ASXL3: variants seen among roughly 807,000 people sequenced by gnomAD.
The protein encoded by ASXL3 is ASXL transcriptional regulator 3, also known as putative Polycomb group protein ASXL3.
A neutral mutation model predicts 170.6 loss-of-function variants in ASXL3; 34 were observed. The ratio of observed to expected loss-of-function variants is 0.20; its 90% CI spans 0.15 to 0.27. The LOEUF (loss-of-function observed/expected upper bound fraction) is 0.27. Among genes scored for constraint, ASXL3 ranks in the 10% least tolerant of loss-of-function variants. The probability of loss-of-function intolerance (pLI) is 1.00; values close to 1 mark genes in which losing one functional copy is unlikely to be tolerated. For synonymous variants in ASXL3, 1,002 were observed against 989.1 expected, an observed-to-expected ratio of 1.01 and a Z score of -0.24; for missense variants, 2,592 against 2,695.3, an observed-to-expected ratio of 0.96 and a Z score of 0.85.
Position 33,744,842 on chromosome 18 carries a change from C to T in ASXL3, c.4994C>T (p.Ala1665Val), listed in dbSNP as rs552663074. ...CCCAGGAATCTTGTAACAAATGTTG[C>T]TCTTCCTGTGAAATCTGAACTTCAC... is the stretch of plus-strand genomic sequence containing the variant. ...LHPRNLVTNV[A>V]LPVKSELHEA... Residue 1665 changes from alanine (A) to valine (V), a missense_variant, in exon 12 of 12, where the codon GCT (alanine) becomes GTT (valine). Physicochemically the swap from Ala to Val is moderately conservative, Grantham distance 64 (BLOSUM62 0). Around this residue, in one of 4 missense-constraint regions of ASXL3, gnomAD observed 2,246 missense variants for 2,219.6 expected, o/e 1.01. Coordinates refer to ENST00000269197, the MANE Select transcript of ASXL3 (RefSeq NM_030632.3). The T allele has an allele frequency of 4.3e-6, 7 of 1,614,032 alleles. No individual in the cohort carries two copies. The highest frequency in any genetic ancestry group is 2.7e-5 in the African/African-American group (2 of 75,058).
At chr18:33,692,738 G>A (rs925400226) in intron 8 of ASXL3, among the ~76,000 whole-genome samples, 1 of 152,162 alleles carries the variant, frequency 6.6e-6, no homozygotes, top group African/African-American at 2.4e-5. Context: ...AAGGTTTTCC[G>A]AATGAGTGAT....
At chr18:33,614,361 A>G (rs773923059) in intron 2 of ASXL3, 2 of 152,208 alleles carry the variant, frequency 1.3e-5, no homozygotes, top group African/African-American at 2.4e-5. Context: ...TGAAAGTTTT[A>G]TCATGAGATT....
intron 7 of ASXL3, among the ~76,000 whole-genome samples, chr18:33,676,566 A>G (rs1164243154): frequency 6.6e-6 from 1 of 152,168 alleles, no homozygotes; most frequent in African/African-American, 2.4e-5. Flanking sequence ...AATAGAAAAC[A>G]CTGTTCTGAT....
At chr18:33,714,135 C>CA (rs2067126540) in intron 8 of ASXL3, among the ~76,000 whole-genome samples, 1 of 152,192 alleles carries the variant, frequency 6.6e-6, no homozygotes, top group Non-Finnish European at 1.5e-5. Context: ...CCCTCCCTCT[C>CA]AGACACATTT....
chr18:33,582,849 C>T (rs570989640), intron 1 of ASXL3, among the ~76,000 whole-genome samples: 2 of 151,972 alleles, frequency 1.3e-5, no homozygotes, highest in African/African-American at 4.8e-5. Context: ...AGCAGGGTTA[C>T]TGAAGGTTTT....
At chr18:33,598,296 C>A in intron 1 of ASXL3, among the ~76,000 whole-genome samples, 1 of 152,038 alleles carries the variant, frequency 6.6e-6, no homozygotes. Context: ...ATCTAATATT[C>A]TCATTTATAT....
At chr18:33,707,089 C>T (rs901038873) in intron 8 of ASXL3, among the ~76,000 whole-genome samples, 4 of 151,584 alleles carry the variant, frequency 2.6e-5, no homozygotes, top group Non-Finnish European at 5.9e-5. Context: ...GACACTGTTC[C>T]TTTGCATTGG....
chr18:33,588,477 A>T (rs1379561327), intron 1 of ASXL3, among the ~76,000 whole-genome samples: 3 of 152,074 alleles, frequency 2.0e-5, no homozygotes, highest in African/African-American at 4.8e-5. Context: ...AGACAAGGTC[A>T]TGCTTCAAGA....
At chr18:33,722,929 A>C (rs552586522) in intron 8 of ASXL3, among the ~76,000 whole-genome samples, 5 of 152,152 alleles carry the variant, frequency 3.3e-5, no homozygotes, top group Middle Eastern at 3.2e-3. Flanking sequence ...ATTATGCTAA[A>C]TCTATTCTGC....
At chr18:33,683,335 T>G in intron 7 of ASXL3, 70 bp from the exon 8 acceptor site, 1 of 1,305,840 alleles carries the variant, frequency 7.7e-7, no homozygotes, top group South Asian at 1.6e-5. Flanking sequence ...TGTGGCTGTG[T>G]TTGTGTGTAC....
In ASXL3 at chr18:33,593,535, G is replaced by T. The variant is rs142207118; in HGVS notation, c.55-14059G>T. Among the ~76,000 whole-genome samples, 446 of 152,124 alleles carry T rather than the reference G, an allele frequency of 2.9e-3. 3 individuals are homozygous for T. Among genetic ancestry groups the T allele is most frequent in the African/African-American group, 0.01 (430 of 41,506 alleles). ...TGAAGAAAACTGGTCTTGAAAGCCC[G>T]CAGACTTTCATACCACAAGGAATGT... On this transcript the variant is annotated intron_variant, in intron 1 of 11. Coordinates refer to ENST00000269197, the MANE Select transcript of ASXL3 (RefSeq NM_030632.3).
intron 8 of ASXL3, among the ~76,000 whole-genome samples, chr18:33,727,516 A>G (rs941185947): frequency 1.3e-5 from 2 of 152,180 alleles, no homozygotes; most frequent in South Asian, 4.1e-4. Flanking sequence ...TTATAAAAGT[A>G]TCTCTATGTG....
At chr18:33,618,677 A>G (rs1240211287) in intron 2 of ASXL3, among the ~76,000 whole-genome samples, 4 of 151,958 alleles carry the variant, frequency 2.6e-5, no homozygotes, top group Non-Finnish European at 5.9e-5. Flanking sequence ...ATAAAATACC[A>G]TTTCTGCCTT....
At chr18:33,645,043 T>C in intron 3 of ASXL3, 41 bp downstream of exon 3, 1 of 1,368,110 alleles carries the variant, frequency 7.3e-7, no homozygotes, top group Non-Finnish European at 1.0e-6. Context: ...ACTATTATCA[T>C]GCATTTTTTC....
intron 2 of ASXL3, among the ~76,000 whole-genome samples, chr18:33,611,757 G>A (rs1399223374): frequency 1.3e-5 from 2 of 152,028 alleles, no homozygotes; most frequent in African/African-American, 2.4e-5. Flanking sequence ...TAGAAGAGAG[G>A]AGTACGTCTA....
At chr18:33,584,609 A>G (rs937241013) in intron 1 of ASXL3, among the ~76,000 whole-genome samples, 2 of 152,168 alleles carry the variant, frequency 1.3e-5, no homozygotes, top group African/African-American at 4.8e-5. Flanking sequence ...CATGTTCTTT[A>G]CCAAATGAGG....
At chr18:33,643,230 A>G (rs2065871485) in intron 2 of ASXL3, among the ~76,000 whole-genome samples, 2 of 151,906 alleles carry the variant, frequency 1.3e-5, no homozygotes, top group Non-Finnish European at 2.9e-5. Flanking sequence ...TGCAATGTTC[A>G]GTATAACATG....
chr18:33,584,223 G>C (rs1432834640), intron 1 of ASXL3, among the ~76,000 whole-genome samples: 3 of 152,090 alleles, frequency 2.0e-5, no homozygotes, highest in Non-Finnish European at 4.4e-5. Context: ...ATAGGTTCAG[G>C]GGGTGATGAG....
At chr18:33,651,041 A>G (rs2065989358) in intron 4 of ASXL3, among the ~76,000 whole-genome samples, 1 of 152,120 alleles carries the variant, frequency 6.6e-6, no homozygotes, top group African/African-American at 2.4e-5. Context: ...TGTGACACCA[A>G]AGGCCAGACT....
Sources: allele counts gnomAD v4.1 joint callset (sites outside exome capture counted in the v4.1 genomes callset), GRCh38; gene constraint gnomAD v4.1.1; regional missense constraint gnomAD v4.1.1; transcripts MANE v1.5; gene names NCBI Gene and HGNC (gene_info 2026-07-23, HGNC 2026-07-21).